RBFOX3: variants seen among roughly 807,000 people sequenced by gnomAD.
RBFOX3 encodes RNA binding fox-1 homolog 3.
Under a neutral mutation model 48.7 loss-of-function variants are expected in RBFOX3, and 17 were observed. That is an observed-to-expected ratio of 0.35 (90% CI 0.24 to 0.52). RBFOX3 has a LOEUF of 0.52. Among genes scored for constraint, RBFOX3 ranks in the 20% least tolerant of loss-of-function variants. The pLI, the probability that RBFOX3 is intolerant of heterozygous loss-of-function variation, is 0.94. For synonymous variants in RBFOX3, 212 were observed against 209.5 expected (o/e 1.01, Z -0.10); for missense variants, 382 against 497.5 (o/e 0.77, Z 2.21).
At chr17:79,206,233 TTGG>T (rs2057458936) in intron 4 of RBFOX3, among the ~76,000 whole-genome samples, 1 of 152,096 alleles carries the variant, frequency 6.6e-6, no homozygotes, top group Non-Finnish European at 1.5e-5. Context: ...GGCACAGAAC[TTGG>T]TGGCCTCTTT....
intron 4 of RBFOX3, among the ~76,000 whole-genome samples, chr17:79,120,602 G>A (rs1225793100): frequency 9.3e-5 from 14 of 150,736 alleles, no homozygotes; most frequent in South Asian, 2.1e-4. Context: ...TGGATGGAAA[G>A]ATGGATGAAT....
In RBFOX3 at chr17:79,481,254, G is replaced by A. The variant is rs964837224; in HGVS notation, c.-175+1200C>T. 6.6e-6 allele frequency among the ~76,000 whole-genome samples: 1 copy of A among 152,182 alleles called. No individual in the cohort carries two copies. Among genetic ancestry groups the A allele is most frequent in the Admixed American group, 6.5e-5 (1 of 15,276 alleles). On this transcript the variant is annotated intron_variant, in intron 2 of 14. Coordinates refer to ENST00000693108, the MANE Select transcript of RBFOX3 (RefSeq NM_001350451.2). This position sits in a 1 kb window ranked among gnomAD's most constrained non-coding sequence, Gnocchi z 5.4. ...TGCTCAGCCTACAGTGGGTCATCAT[G>A]CAAAGCCTGCCTGCAGGCTTCAGGG...
At chr17:79,546,043 G>A (rs77607363) in intron 1 of RBFOX3, among the ~76,000 whole-genome samples, 1 of 152,226 alleles carries the variant, frequency 6.6e-6, no homozygotes, top group Non-Finnish European at 1.5e-5. Flanking sequence ...TCAGATATGT[G>A]GATACCTCTC....
intron 1 of RBFOX3, among the ~76,000 whole-genome samples, chr17:79,512,123 A>G (rs1371490308): frequency 5.0e-4 from 52 of 103,366 alleles, no homozygotes; most frequent in South Asian, 1.1e-3. Flanking sequence ...ACACCCACCC[A>G]GATACATGTT....
At chr17:79,259,420 G>A (rs990638081) in intron 3 of RBFOX3, among the ~76,000 whole-genome samples, 24 of 152,336 alleles carry the variant, frequency 1.6e-4, no homozygotes, top group African/African-American at 5.8e-4. Context: ...GAGGCGAATG[G>A]GAAGGTGAGG....
chr17:79,386,890 G>C (rs2060634446), intron 2 of RBFOX3, among the ~76,000 whole-genome samples: 1 of 152,220 alleles, frequency 6.6e-6, no homozygotes, highest in Non-Finnish European at 1.5e-5. Flanking sequence ...CCCATATTTT[G>C]ACATTTGCTG....
At chr17:79,655,551 G>A in the RBFOX3 span, among the ~76,000 whole-genome samples, 16 of 152,184 alleles carry the variant, frequency 1.1e-4, no homozygotes, top group African/African-American at 3.4e-4. Flanking sequence ...AACTCATTTG[G>A]CAGCAAAACT....
At chr17:79,244,576 G>A (rs1030179433) in intron 3 of RBFOX3, among the ~76,000 whole-genome samples, 66 of 150,836 alleles carry the variant, frequency 4.4e-4, no homozygotes, top group African/African-American at 1.5e-3. Flanking sequence ...CTCACTCTGG[G>A]CTTGCTGGGC....
At chr17:79,472,007 G>A (rs895182005) in intron 2 of RBFOX3, among the ~76,000 whole-genome samples, 1 of 152,350 alleles carries the variant, frequency 6.6e-6, no homozygotes, top group East Asian at 1.9e-4. Context: ...AGAAAGAAAA[G>A]GGGACAGGTG....
chr17:79,617,185 T>C, the RBFOX3 span, among the ~76,000 whole-genome samples: 1 of 152,198 alleles, frequency 6.6e-6, no homozygotes, highest in Non-Finnish European at 1.5e-5. Context: ...CTTGTCTTCC[T>C]GCTCCCTTTC....
intron 3 of RBFOX3, among the ~76,000 whole-genome samples, chr17:79,245,510 T>A (rs2063030088): frequency 6.7e-6 from 1 of 148,746 alleles, no homozygotes. Flanking sequence ...ATGAAGCACC[T>A]CACACTGTTC....
At chr17:79,401,038 C>A (rs563463821) in intron 2 of RBFOX3, among the ~76,000 whole-genome samples, 1 of 152,234 alleles carries the variant, frequency 6.6e-6, no homozygotes, top group Non-Finnish European at 1.5e-5. Flanking sequence ...AGCTAGAGAT[C>A]CGGGCGTGTT....
At chr17:79,275,119 TCTCC>T (rs936933790) in intron 3 of RBFOX3, among the ~76,000 whole-genome samples, 2 of 117,178 alleles carry the variant, frequency 1.7e-5, no homozygotes, top group African/African-American at 7.5e-5. Context: ...TCTCTCCATG[TCTCC>T]CTCTCTCTCT....
intron 4 of RBFOX3, among the ~76,000 whole-genome samples, chr17:79,169,688 C>T (rs1003138285): frequency 3.9e-5 from 6 of 152,146 alleles, no homozygotes; most frequent in East Asian, 3.9e-4. Flanking sequence ...AGGCCGCACA[C>T]GGGTGGGCTG....
At chr17:79,587,048 AC>A (rs1167012080) in intron 1 of RBFOX3, among the ~76,000 whole-genome samples, 1 of 152,244 alleles carries the variant, frequency 6.6e-6, no homozygotes, top group African/African-American at 2.4e-5. Context: ...TCCAAGAAAG[AC>A]CACTGGAAAT....
At chr17:79,274,819 C>T (rs56301490) in intron 3 of RBFOX3, among the ~76,000 whole-genome samples, 4,255 of 152,184 alleles carry the variant, frequency 0.028, 99 homozygotes, top group Non-Finnish European at 0.044. Flanking sequence ...TCCCTGACCA[C>T]GGTCCCGCCA....
chr17:79,632,734 T>C, the RBFOX3 span, among the ~76,000 whole-genome samples: 13 of 119,464 alleles, frequency 1.1e-4, no homozygotes, highest in African/African-American at 3.8e-4. Flanking sequence ...CAAGACCACG[T>C]ATCTACTAAA....
chr17:79,122,338 C>G (rs948621809), intron 4 of RBFOX3, among the ~76,000 whole-genome samples: 1 of 152,172 alleles, frequency 6.6e-6, no homozygotes, highest in Non-Finnish European at 1.5e-5. Flanking sequence ...GGGTCCTGCA[C>G]GACCCCTGCT....
rs1319897447 is a variant in RBFOX3 at position 79,299,174 on chromosome 17, G to C, written c.-74+8550C>G. The stretch of plus-strand genomic sequence containing the variant: ...TGCTGGCAAAACAGAGGCCAGAGAG[G>C]GTGGGATGTGAGGGCGGGTCCCATT... On this transcript the variant is annotated intron_variant, in intron 3 of 14. Coordinates refer to ENST00000693108, the MANE Select transcript of RBFOX3 (RefSeq NM_001350451.2). The surrounding 1 kb of genome is among the most constrained non-coding windows in gnomAD (Gnocchi z 4.5). Among the ~76,000 whole-genome samples the C allele has an allele frequency of 3.3e-5, 5 of 151,648 alleles. No individual in the cohort carries two copies. The highest frequency in any genetic ancestry group is 7.3e-5 in the African/African-American group (3 of 41,250).
Sources: gnomAD v4.1 joint callset for allele counts (sites outside exome capture counted in the v4.1 genomes callset) on GRCh38, gnomAD v4.1.1 for gene constraint, Gnocchi (gnomAD v3.1) non-coding constraint, MANE v1.5 for transcripts, NCBI Gene and HGNC (gene_info 2026-07-23, HGNC 2026-07-21) for gene names.